The following MAF variants were observed in gnomAD, a reference collection of about 807,000 sequenced individuals.
MAF encodes the protein MAF bZIP transcription factor, also known as transcription factor Maf.
Under a neutral mutation model 22.0 loss-of-function variants are expected in MAF, and 10 were observed. That is an observed-to-expected ratio of 0.45 (90% CI 0.28 to 0.77). MAF has a LOEUF of 0.77. MAF is among the 30% of genes least tolerant of loss of function. The pLI, the probability that MAF is intolerant of heterozygous loss-of-function variation, is 0.12. For synonymous variants in MAF, 337 were observed against 255.8 expected (o/e 1.32, Z -3.03); for missense variants, 544 against 548.4 (o/e 0.99, Z 0.08).
chr16:79,600,013 G>A lies in MAF; in HGVS notation c.-111C>T, dbSNP rs893334498. 1.1e-5 allele frequency: 17 copies of A among 1,491,598 alleles called. No individual in the cohort carries two copies. Among genetic ancestry groups the A allele is most frequent in the Middle Eastern group, 2.4e-4 (1 of 4,254 alleles). The allele number at this position is 1,491,598 out of a possible 1,614,324, so 92.4% of individuals were successfully genotyped here. The stretch of plus-strand genomic sequence containing the variant: ...GGGTGAGCCAGCTTGCCGGGCTGGG[G>A]CGCTTCTAGCTTGCGCGGCGGTGGC... On this transcript the variant is annotated 5_prime_UTR_variant, in exon 1 of 2. Transcript: ENST00000326043.
the MAF span, among the ~76,000 whole-genome samples, chr16:79,571,556 C>G: frequency 1.4e-5 from 1 of 70,736 alleles, no homozygotes; most frequent in East Asian, 3.9e-4. Flanking sequence ...TTTTTTTTTA[C>G]AAATGCACCA....
the MAF span, among the ~76,000 whole-genome samples, chr16:79,218,450 T>C: frequency 1.8e-4 from 28 of 152,344 alleles, 1 homozygote; most frequent in Middle Eastern, 3.4e-3. Context: ...CAGCATACCT[T>C]TGTAGAGCGT....
chr16:79,523,902 G>A, the MAF span, among the ~76,000 whole-genome samples: 3 of 152,136 alleles, frequency 2.0e-5, no homozygotes, highest in Non-Finnish European at 4.4e-5. Flanking sequence ...GAGGGAATCT[G>A]CAAAGTTTAT....
chr16:79,465,996 A>G, the MAF span, among the ~76,000 whole-genome samples: 2 of 152,152 alleles, frequency 1.3e-5, no homozygotes, highest in African/African-American at 4.8e-5. Flanking sequence ...TAATTCCTTC[A>G]TTGTTGAATA....
At chr16:79,487,179 A>G in the MAF span, among the ~76,000 whole-genome samples, 6,005 of 151,286 alleles carry the variant, frequency 0.04, 413 homozygotes, top group African/African-American at 0.14. Flanking sequence ...TAATGCTAAG[A>G]ACATTGTCTC....
At chr16:79,519,786 G>A in the MAF span, among the ~76,000 whole-genome samples, 1 of 152,250 alleles carries the variant, frequency 6.6e-6, no homozygotes, top group Non-Finnish European at 1.5e-5. Context: ...TGAACCCTGT[G>A]TTCACAGCGC....
At chr16:79,417,802 G>A in the MAF span, among the ~76,000 whole-genome samples, 2 of 152,000 alleles carry the variant, frequency 1.3e-5, no homozygotes, top group African/African-American at 4.8e-5. Flanking sequence ...GGAAAGGAGT[G>A]TCCCTCTTGA....
At chr16:79,292,994 G>T in the MAF span, among the ~76,000 whole-genome samples, 1 of 152,142 alleles carries the variant, frequency 6.6e-6, no homozygotes, top group Non-Finnish European at 1.5e-5. Flanking sequence ...GAAAACTCAT[G>T]AATAGTCTAC....
At chr16:79,221,499 T>A in the MAF span, among the ~76,000 whole-genome samples, 1 of 152,212 alleles carries the variant, frequency 6.6e-6, no homozygotes, top group Non-Finnish European at 1.5e-5. Context: ...ATATCTCATG[T>A]TCAATCTGAA....
chr16:79,227,130 G>T, the MAF span, among the ~76,000 whole-genome samples: 1 of 152,058 alleles, frequency 6.6e-6, no homozygotes, highest in African/African-American at 2.4e-5. Flanking sequence ...TTCAGTCCAG[G>T]AGTTTGAGAT....
At chr16:79,389,140 TG>T in the MAF span, among the ~76,000 whole-genome samples, 1 of 152,208 alleles carries the variant, frequency 6.6e-6, no homozygotes, top group African/African-American at 2.4e-5. Flanking sequence ...GTCAACCTCT[TG>T]CCAAACTTTT....
At chr16:79,433,275 A>AT in the MAF span, among the ~76,000 whole-genome samples, 40 of 138,792 alleles carry the variant, frequency 2.9e-4, no homozygotes, top group South Asian at 4.3e-4. Context: ...AGTAAAAAAA[A>AT]AAATATATAT....
At chr16:79,234,188 T>G in the MAF span, among the ~76,000 whole-genome samples, 1 of 151,704 alleles carries the variant, frequency 6.6e-6, no homozygotes, top group Non-Finnish European at 1.5e-5. Context: ...CACACAGTGG[T>G]TTTTTTTGGC....
the MAF span, among the ~76,000 whole-genome samples, chr16:79,523,174 G>C: frequency 6.6e-6 from 1 of 152,138 alleles, no homozygotes; most frequent in African/African-American, 2.4e-5. Context: ...GAGAACATAA[G>C]AATTTCCATG....
the MAF span, among the ~76,000 whole-genome samples, chr16:79,447,340 A>C: frequency 6.6e-6 from 1 of 150,846 alleles, no homozygotes; most frequent in Non-Finnish European, 1.5e-5. Context: ...TCAAAAAAAA[A>C]AAAAAAAAGA....
chr16:79,373,075 T>C, the MAF span, among the ~76,000 whole-genome samples: 1 of 152,320 alleles, frequency 6.6e-6, no homozygotes, highest in Non-Finnish European at 1.5e-5. Flanking sequence ...TTTGAAAGAA[T>C]AGGAGTGGTT....
the MAF span, among the ~76,000 whole-genome samples, chr16:79,577,358 C>CGAGATA: frequency 6.6e-6 from 1 of 152,128 alleles, no homozygotes; most frequent in Admixed American, 6.5e-5. Flanking sequence ...ATCAACTGGT[C>CGAGATA]GAGATAGTGT....
chr16:79,470,198 A>G, the MAF span, among the ~76,000 whole-genome samples: 1 of 152,256 alleles, frequency 6.6e-6, no homozygotes, highest in Non-Finnish European at 1.5e-5. Flanking sequence ...GGAGATAGGA[A>G]CTCTGGTTCT....
chr16:79,354,065 G>A, the MAF span, among the ~76,000 whole-genome samples: 1 of 151,730 alleles, frequency 6.6e-6, no homozygotes, highest in Non-Finnish European at 1.5e-5. Context: ...GTGCCATCAC[G>A]GCTCACTGCA....
Sources: allele counts gnomAD v4.1 joint callset (sites outside exome capture counted in the v4.1 genomes callset), GRCh38; gene constraint gnomAD v4.1.1; transcripts MANE v1.5; gene names NCBI Gene and HGNC (gene_info 2026-07-23, HGNC 2026-07-21).